The following CDK14 variants were observed in gnomAD, a reference collection of about 807,000 sequenced individuals.
CDK14 encodes cyclin-dependent kinase 14.
A neutral mutation model predicts 60.7 loss-of-function variants in CDK14; 34 were observed. The observed-to-expected ratio is 0.56, with a 90% CI of 0.43 to 0.75. The LOEUF (loss-of-function observed/expected upper bound fraction) is 0.75. Among genes scored for constraint, CDK14 ranks in the 30% least tolerant of loss-of-function variants. CDK14 has a pLI of 0.00. For missense variants in CDK14, 482 were observed against 564.1 expected, an observed-to-expected ratio of 0.85 and a Z score of 1.47; for synonymous variants, 197 against 203.7, an observed-to-expected ratio of 0.97 and a Z score of 0.28.
intron 14 of CDK14, among the ~76,000 whole-genome samples, chr7:91,152,032 A>G (rs1037133275): frequency 3.9e-5 from 6 of 152,200 alleles, no homozygotes; most frequent in African/African-American, 9.7e-5. Context: ...AATGCTACCA[A>G]TGGGCTTGGT....
intron 5 of CDK14, among the ~76,000 whole-genome samples, chr7:90,803,356 A>G (rs1788714662): frequency 6.6e-6 from 1 of 152,186 alleles, no homozygotes; most frequent in South Asian, 2.1e-4. Flanking sequence ...AAGGCACCCA[A>G]ATATTTAAGG....
At chr7:91,155,464 C>G (rs937110223) in intron 14 of CDK14, among the ~76,000 whole-genome samples, 41 of 152,094 alleles carry the variant, frequency 2.7e-4, no homozygotes, top group African/African-American at 9.4e-4. Context: ...GAATTTTAGT[C>G]ACTATGTTTT....
intron 5 of CDK14, among the ~76,000 whole-genome samples, chr7:90,833,940 T>C (rs1291453287): frequency 6.6e-6 from 1 of 152,184 alleles, no homozygotes; most frequent in Non-Finnish European, 1.5e-5. Context: ...GGATATTTCA[T>C]AGTAGCTCTA....
At chr7:91,115,640 G>A (rs962885979) in intron 13 of CDK14, among the ~76,000 whole-genome samples, 1 of 152,162 alleles carries the variant, frequency 6.6e-6, no homozygotes. Flanking sequence ...AGGTTAAAAG[G>A]AGAAGATGGG....
chr7:91,008,913 CAT>C (rs1031985604), intron 10 of CDK14, among the ~76,000 whole-genome samples: 2 of 152,052 alleles, frequency 1.3e-5, no homozygotes, highest in African/African-American at 2.4e-5. Flanking sequence ...TAAGTTTTGA[CAT>C]GTGTATAATC....
intron 8 of CDK14, among the ~76,000 whole-genome samples, chr7:90,924,910 A>G (rs556053265): frequency 6.6e-6 from 1 of 152,116 alleles, no homozygotes; most frequent in Non-Finnish European, 1.5e-5. Context: ...TTCTGTGGTA[A>G]TAGATAAACT....
chr7:90,643,214 C>G (rs997995808), intron 2 of CDK14, among the ~76,000 whole-genome samples: 1 of 152,178 alleles, frequency 6.6e-6, no homozygotes, highest in Non-Finnish European at 1.5e-5. Context: ...CCTCCAAACA[C>G]AGTGATCTGG....
At chr7:91,084,922 C>G (rs758905626) in intron 12 of CDK14, among the ~76,000 whole-genome samples, 4 of 152,202 alleles carry the variant, frequency 2.6e-5, no homozygotes, top group Non-Finnish European at 4.4e-5. Context: ...TGAAGTGGCA[C>G]AGAGCTTCTA....
intron 14 of CDK14, among the ~76,000 whole-genome samples, chr7:91,132,635 A>G (rs1800152291): frequency 6.6e-6 from 1 of 152,150 alleles, no homozygotes; most frequent in African/African-American, 2.4e-5. Context: ...ATGTCTTGAA[A>G]TTAAGTAAAG....
intron 11 of CDK14, among the ~76,000 whole-genome samples, chr7:91,070,248 T>TGC (rs1798099893): frequency 7.6e-6 from 1 of 131,164 alleles, no homozygotes; most frequent in African/African-American, 2.8e-5. Flanking sequence ...TATTTTGTTG[T>TGC]TGCTGCTGCT....
chr7:90,780,086 A>C (rs1805244375), intron 4 of CDK14, among the ~76,000 whole-genome samples: 1 of 152,204 alleles, frequency 6.6e-6, no homozygotes, highest in African/African-American at 2.4e-5. Flanking sequence ...CTTTTAAATA[A>C]GTAGTTAGAT....
intron 5 of CDK14, among the ~76,000 whole-genome samples, chr7:90,831,988 G>T (rs1008009404): frequency 6.6e-6 from 1 of 151,878 alleles, no homozygotes; most frequent in Non-Finnish European, 1.5e-5. Flanking sequence ...TTATTAGCAT[G>T]TCCCTCTCCC....
At chr7:90,619,299 AG>A (rs1799718247) in intron 2 of CDK14, among the ~76,000 whole-genome samples, 1 of 152,240 alleles carries the variant, frequency 6.6e-6, no homozygotes, top group Admixed American at 6.5e-5. Flanking sequence ...AGTGCTTTTA[AG>A]CCCATTTCAA....
chr7:90,803,839 A>T (rs993032287), intron 5 of CDK14, among the ~76,000 whole-genome samples: 5 of 152,168 alleles, frequency 3.3e-5, no homozygotes, highest in African/African-American at 1.2e-4. Flanking sequence ...TGATGTTACC[A>T]TCTTCATTTT....
chr7:91,000,933 G>A (rs920736923), intron 10 of CDK14, among the ~76,000 whole-genome samples: 1 of 152,142 alleles, frequency 6.6e-6, no homozygotes, highest in African/African-American at 2.4e-5. Context: ...TAAAATTTAT[G>A]GGAGCAAGCT....
intron 10 of CDK14, among the ~76,000 whole-genome samples, chr7:91,021,008 G>T (rs147751527): frequency 3.5e-4 from 53 of 152,228 alleles, no homozygotes; most frequent in African/African-American, 1.1e-3. Context: ...TGGAAGTGCC[G>T]TAGTTTCTTG....
chr7:90,979,812 GAGAA>G (rs963457578), intron 9 of CDK14: 3 of 152,144 alleles, frequency 2.0e-5, no homozygotes, highest in Non-Finnish European at 4.4e-5. Flanking sequence ...AAATGTATTA[GAGAA>G]ATTTGTCAGA....
chr7:90,864,663 AT>A (rs1348570162), intron 6 of CDK14, among the ~76,000 whole-genome samples: 5 of 152,202 alleles, frequency 3.3e-5, no homozygotes, highest in Non-Finnish European at 5.9e-5. Context: ...ATCTTAAAAA[AT>A]AATGGAATAT....
At chr7:90,979,944 T>G (rs1204759159) in intron 9 of CDK14, 1 of 142,736 alleles carries the variant, frequency 7.0e-6, no homozygotes, top group South Asian at 2.3e-4. Context: ...TCATTTTAAA[T>G]GCACTTCTAT....
Sources: gnomAD v4.1 joint callset for allele counts (sites outside exome capture counted in the v4.1 genomes callset) on GRCh38, gnomAD v4.1.1 for gene constraint, MANE v1.5 for transcripts, NCBI Gene and HGNC (gene_info 2026-07-23, HGNC 2026-07-21) for gene names.